CNGB3: variants seen among roughly 807,000 people sequenced by gnomAD.
The protein encoded by CNGB3 is cyclic nucleotide gated channel subunit beta 3, also known as cyclic nucleotide-gated channel beta-3.
Under a neutral mutation model 92.8 loss-of-function variants are expected in CNGB3, and 86 were observed. That is an observed-to-expected ratio of 0.93 (90% CI 0.78 to 1.11). The LOEUF (loss-of-function observed/expected upper bound fraction) is 1.11. CNGB3 is among the 50% of genes least tolerant of loss of function. The probability of loss-of-function intolerance (pLI) is 0.00; values close to 1 mark genes in which losing one functional copy is unlikely to be tolerated. For missense variants in CNGB3, 1,026 were observed against 956.8 expected (o/e 1.07, Z -0.95); for synonymous variants, 333 against 332.7 (o/e 1.00, Z -0.01).
chr8:86,722,084 T>G (rs2131668066), intron 3 of CNGB3, among the ~76,000 whole-genome samples: 1 of 152,212 alleles, frequency 6.6e-6, no homozygotes, highest in African/African-American at 2.4e-5. Context: ...TATACTATAG[T>G]GTAAAAGTCA....
At chr8:86,600,289 A>C (rs1822264489) in intron 15 of CNGB3, among the ~76,000 whole-genome samples, 1 of 152,146 alleles carries the variant, frequency 6.6e-6, no homozygotes, top group Non-Finnish European at 1.5e-5. Context: ...CCTGGTATTG[A>C]AGTCTCTTCT....
chr8:86,615,762 T>C (rs1006595870), intron 13 of CNGB3, among the ~76,000 whole-genome samples: 4 of 152,128 alleles, frequency 2.6e-5, no homozygotes, highest in South Asian at 4.1e-4. Flanking sequence ...TACCAGTTTA[T>C]GTTTATATGA....
chr8:86,634,382 T>C (rs1823023413), intron 10 of CNGB3, among the ~76,000 whole-genome samples: 1 of 152,190 alleles, frequency 6.6e-6, no homozygotes, highest in African/African-American at 2.4e-5. Flanking sequence ...CTATGATGTT[T>C]GGTAGGTTAG....
At chr8:86,658,080 C>A in intron 6 of CNGB3, 1 of 531,574 alleles carries the variant, frequency 1.9e-6, no homozygotes. Flanking sequence ...TGGCCCCCTG[C>A]AGGGCCGGGT....
At chr8:86,605,003 C>T (rs544011271) in intron 14 of CNGB3, among the ~76,000 whole-genome samples, 1 of 152,074 alleles carries the variant, frequency 6.6e-6, no homozygotes, top group East Asian at 1.9e-4. Flanking sequence ...AACATTGGAC[C>T]CAAGACTAAT....
At chr8:86,706,607 A>G (rs12675140) in intron 3 of CNGB3, among the ~76,000 whole-genome samples, 98,188 of 152,030 alleles carry the variant, frequency 0.65, 32,978 homozygotes, top group African/African-American at 0.83. Flanking sequence ...CCTCAGCCTG[A>G]TACTTTTGTT....
At chr8:86,622,439 G>A (rs78787077) in intron 13 of CNGB3, among the ~76,000 whole-genome samples, 2 of 148,820 alleles carry the variant, frequency 1.3e-5, no homozygotes, top group South Asian at 2.1e-4. Flanking sequence ...CAGATCTTAA[G>A]GGACAGTTGG....
intron 6 of CNGB3, chr8:86,659,899 A>G: frequency 2.5e-6 from 1 of 405,390 alleles, no homozygotes; most frequent in South Asian, 2.1e-5. Flanking sequence ...TTGACAAAGG[A>G]TGTAGACTCA....
intron 17 of CNGB3, among the ~76,000 whole-genome samples, chr8:86,578,073 C>CT (rs1262951953): frequency 6.6e-6 from 1 of 152,046 alleles, no homozygotes; most frequent in Non-Finnish European, 1.5e-5. Context: ...CCATGCCCGG[C>CT]TAATTTTTTG....
At chr8:86,585,081 T>A in intron 15 of CNGB3, among the ~76,000 whole-genome samples, 1 of 152,140 alleles carries the variant, frequency 6.6e-6, no homozygotes, top group East Asian at 1.9e-4. Context: ...GAAATAGTAC[T>A]AGTGTGCCAA....
At chr8:86,657,193 C>T (rs887022149) in intron 6 of CNGB3, among the ~76,000 whole-genome samples, 2 of 152,130 alleles carry the variant, frequency 1.3e-5, no homozygotes, top group Admixed American at 6.5e-5. Context: ...CATAATCATC[C>T]AGAAATTAAG....
At chr8:86,664,524 G>T (rs1823704818) in intron 6 of CNGB3, among the ~76,000 whole-genome samples, 1 of 152,210 alleles carries the variant, frequency 6.6e-6, no homozygotes, top group Admixed American at 6.5e-5. Flanking sequence ...GTTAGCTGGG[G>T]AAGGGGCTTG....
chr8:86,671,150 T>A (rs760687129), intron 3 of CNGB3, 52 bp from the exon 4 acceptor site: 14 of 1,590,874 alleles, frequency 8.8e-6, no homozygotes, highest in Non-Finnish European at 1.2e-5. Context: ...GAAATAGATA[T>A]AAGGGAAAGA....
chr8:86,644,500 T>C, intron 9 of CNGB3, 122 bp downstream of exon 9: 2 of 1,302,576 alleles, frequency 1.5e-6, no homozygotes, highest in Non-Finnish European at 2.1e-6. Context: ...ATATTTTATA[T>C]AGCCAAAGCT....
At chr8:86,694,435 C>T (rs543043586) in intron 3 of CNGB3, among the ~76,000 whole-genome samples, 18 of 151,816 alleles carry the variant, frequency 1.2e-4, no homozygotes, top group African/African-American at 3.1e-4. Flanking sequence ...GGGTGGCTGC[C>T]GGGCGGAGAC....
chr8:86,576,025 T>C lies in CNGB3; in HGVS notation c.2209A>G (p.Asn737Asp). The change falls in exon 18 of 18, where the codon AAT becomes GAT. Residue 737 changes from asparagine to aspartate, a missense_variant. Transcript: ENST00000320005. ...QKENEDKGKE[N>D]EDKDKGREPE... ...TCTCTTCCTTTATCTTTATCTTCAT[T>C]TTCTTTTCCTTTATCTTCATTTTCT... is the stretch of plus-strand genomic sequence containing the variant. 1 of 1,611,070 alleles carries C rather than the reference T, an allele frequency of 6.2e-7. No homozygotes were observed.
rs765574129 is a variant in CNGB3 at position 86,632,879 on chromosome 8, TAAC to T, written c.1190_1192del (p.Cys397del). The T allele has an allele frequency of 1.2e-6, 2 of 1,612,416 alleles. No homozygotes were observed. The highest frequency in any genetic ancestry group is 1.7e-6 in the Non-Finnish European group (2 of 1,179,722). On this transcript the variant is annotated inframe_deletion, in exon 11 of 18. Transcript: ENST00000320005. The stretch of plus-strand genomic sequence containing the variant: ...AATTAAAGTTCGAACTGCCCAATAA[TAAC>T]ATCTCAGATACCTGTGAAAACAGAA...
chr8:86,596,751 C>T (rs150800875), intron 15 of CNGB3, among the ~76,000 whole-genome samples: 2 of 152,092 alleles, frequency 1.3e-5, no homozygotes, highest in East Asian at 3.9e-4. Flanking sequence ...GCTCTGTTCA[C>T]AATAGCAAAG....
chr8:86,714,057 C>A (rs1824800574), intron 3 of CNGB3, among the ~76,000 whole-genome samples: 1 of 152,122 alleles, frequency 6.6e-6, no homozygotes, highest in Non-Finnish European at 1.5e-5. Context: ...CATTACGGTC[C>A]ACTCTTGGTG....
Sources: allele counts gnomAD v4.1 joint callset (sites outside exome capture counted in the v4.1 genomes callset), GRCh38; gene constraint gnomAD v4.1.1; transcripts MANE v1.5; gene names NCBI Gene and HGNC (gene_info 2026-07-23, HGNC 2026-07-21).